TJP2: variants seen among roughly 807,000 people sequenced by gnomAD.
TJP2 encodes tight junction protein 2.
In TJP2, 91 loss-of-function variants were observed where a neutral mutation model predicts 133.1. The observed-to-expected ratio is 0.68, with a 90% CI of 0.58 to 0.81. The LOEUF (loss-of-function observed/expected upper bound fraction) is 0.81. Among genes scored for constraint, TJP2 ranks in the 40% least tolerant of loss-of-function variants. The pLI is 0.00. For synonymous variants in TJP2, 592 were observed against 583.4 expected (o/e 1.01, Z -0.21); for missense variants, 1,541 against 1,565.6 (o/e 0.98, Z 0.26).
Position 69,221,354 on chromosome 9 carries a change from G to GCGCGGGGCCCGC in TJP2, c.812_823dup (p.Arg271_Arg274dup), listed in dbSNP as rs1032179516. The GCGCGGGGCCCGC allele has an allele frequency of 6.3e-7, 1 of 1,584,100 alleles. No individual in the cohort carries two copies. The highest frequency in any genetic ancestry group is 1.3e-5 in the African/African-American group (1 of 74,330). Reference sequence around the variant, plus strand: ...AGCGGGCCTACAGCCCGGAGTACAGGCGCGGGGCCCGCCACGATGCCCGCT... The same window carrying GCGCGGGGCCCGC: ...AGCGGGCCTACAGCCCGGAGTACAGGCGCGGGGCCCGCCGCGGGGCCCGCCACGATGCCCGCT... On this transcript the variant is annotated inframe_insertion, in exon 5 of 23. Coordinates refer to ENST00000377245, the MANE Select transcript of TJP2 (RefSeq NM_004817.4).
At chr9:69,218,943 CAT>C (rs2133255310) in intron 4 of TJP2, among the ~76,000 whole-genome samples, 1 of 151,438 alleles carries the variant, frequency 6.6e-6, no homozygotes, top group African/African-American at 2.4e-5. Flanking sequence ...CATATACCCA[CAT>C]ATATGGTTGT....
chr9:69,194,834 C>G (rs1196394212), intron 1 of TJP2, among the ~76,000 whole-genome samples: 1 of 152,150 alleles, frequency 6.6e-6, no homozygotes, highest in African/African-American at 2.4e-5. Context: ...AACAGGCTCC[C>G]AGGGGTTGGC....
intron 2 of TJP2, among the ~76,000 whole-genome samples, chr9:69,168,034 G>T (rs899234899): frequency 1.1e-4 from 16 of 152,228 alleles, no homozygotes; most frequent in Admixed American, 6.5e-5. Flanking sequence ...GAGCAGCTTT[G>T]TTCTTTCTAC....
At chr9:69,134,839 G>A (rs1156614715) in intron 1 of TJP2, among the ~76,000 whole-genome samples, 2 of 152,124 alleles carry the variant, frequency 1.3e-5, no homozygotes, top group East Asian at 1.9e-4. Context: ...GGTCAGGTTC[G>A]TGGTGAGAAC....
In TJP2 at chr9:69,230,079, C is replaced by CATA. The variant is rs759548386; in HGVS notation, c.1521-2_1521-1insTAA. ...TTCCTTTCTGAAACGGAACCTATTGCAGCCCTAATACCAAAATGGTAAGGT... is the reference window on the plus strand; with the variant it reads ...TTCCTTTCTGAAACGGAACCTATTGCATAAGCCCTAATACCAAAATGGTAAGGT... On this transcript the variant is annotated splice_polypyrimidine_tract_variant and splice_region_variant and intron_variant, in intron 10 of 22. Transcript: ENST00000377245. 1.5e-5 allele frequency: 24 copies of CATA among 1,614,090 alleles called. No homozygotes were observed. The South Asian group carries it at 2.3e-4, about 16-fold the overall frequency.
At chr9:69,121,471 A>G in exon 1 of TJP2, 1 of 454,192 alleles carries the variant, frequency 2.2e-6, no homozygotes, top group Non-Finnish European at 2.9e-6. Flanking sequence ...CCTTCTCTCA[A>G]ACCTCTAAAC....
At chr9:69,194,576 T>A (rs1424637656) in intron 1 of TJP2, among the ~76,000 whole-genome samples, 1 of 152,192 alleles carries the variant, frequency 6.6e-6, no homozygotes, top group Admixed American at 6.5e-5. Context: ...TTTCACATGT[T>A]CAGTAGCCAC....
At chr9:69,146,529 A>T (rs1823217913) in intron 1 of TJP2, among the ~76,000 whole-genome samples, 1 of 152,222 alleles carries the variant, frequency 6.6e-6, no homozygotes, top group Non-Finnish European at 1.5e-5. Context: ...TAACAATTAG[A>T]TAGTTACTAG....
rs1391922368 is a variant in TJP2, at chr9:69,137,259, T to C, written c.-130-14392T>C. ...TTTCTTTCTCTCTCTCTTTCTTTCT[T>C]TCTTTCTTTCTTTTTCTTTCTTTCT... On this transcript the variant is annotated intron_variant, in intron 1 of 5. Transcript: ENST00000423935. 7.3e-4 allele frequency among the ~76,000 whole-genome samples: 42 copies of C among 57,244 alleles called. 1 individual carries two copies. The highest frequency in any genetic ancestry group is 2.3e-3 in the East Asian group (1 of 426). The allele number at this position is 57,244 out of a possible 152,430, so 37.6% of individuals were successfully genotyped here. A position where few individuals can be genotyped will look rare whatever the true frequency, so the allele number is the denominator to read the frequency against.
chr9:69,151,544 C>T (rs1823480498), intron 1 of TJP2: 2 of 1,178,096 alleles, frequency 1.7e-6, no homozygotes, highest in Non-Finnish European at 2.1e-6. Context: ...AAAAGCCATC[C>T]TAAAAACGGG....
chr9:69,208,949 G>A (rs760394933), intron 1 of TJP2, among the ~76,000 whole-genome samples: 1 of 152,066 alleles, frequency 6.6e-6, no homozygotes, highest in Admixed American at 6.6e-5. Context: ...GTACAAGAAG[G>A]CATTGAGAAG....
intron 1 of TJP2, among the ~76,000 whole-genome samples, chr9:69,210,250 C>G (rs888452377): frequency 6.7e-6 from 1 of 149,188 alleles, no homozygotes; most frequent in Admixed American, 6.8e-5. Flanking sequence ...GATCACACCC[C>G]TGCATTCCAG....
At position 69,142,014 on chromosome 9, in the gene TJP2, T is replaced by C. The variant is rs1011417994; in HGVS notation, c.-130-9637T>C. The stretch of plus-strand genomic sequence containing the variant: ...CAGGTCTTAAACAGTAGAGGTGGGA[T>C]TCAAACCAAGTCTTTCCCCTGTGTC... On this transcript the variant is annotated intron_variant, in intron 1 of 5. Coordinates refer to the TJP2 transcript ENST00000423935. Among the ~76,000 whole-genome samples, 3 of 152,214 alleles carry C rather than the reference T, an allele frequency of 2.0e-5. No homozygotes were observed. The East Asian group carries it at 5.8e-4, about 29-fold the overall frequency.
chr9:69,165,706 A>T (rs1344015030), intron 2 of TJP2, among the ~76,000 whole-genome samples: 5 of 152,188 alleles, frequency 3.3e-5, no homozygotes, highest in African/African-American at 1.2e-4. Flanking sequence ...CTGCAGTGTA[A>T]ACAGCAGTAA....
intron 14 of TJP2, among the ~76,000 whole-genome samples, chr9:69,237,594 G>GA (rs1182095918): frequency 4.9e-5 from 2 of 40,648 alleles, no homozygotes; most frequent in African/African-American, 1.8e-4. Context: ...AGCTACTCAG[G>GA]AGGCTTGAGC....
chr9:69,166,711 G>A (rs1824375443), intron 2 of TJP2, among the ~76,000 whole-genome samples: 1 of 148,832 alleles, frequency 6.7e-6, no homozygotes, highest in Admixed American at 6.7e-5. Flanking sequence ...CTGGCCTCAA[G>A]TGATCTGCCT....
In TJP2 at chr9:69,221,316, G is replaced by A. The variant is rs1245964106; in HGVS notation, c.772G>A (p.Asp258Asn). ...CGAGCGAGCCTATCACCGGGCCTACGACCCAGACTACGAGCGGGCCTACAG... is the reference window on the plus strand; with the variant it reads ...CGAGCGAGCCTATCACCGGGCCTACAACCCAGACTACGAGCGGGCCTACAG... Reference protein sequence around the residue: ...DYERAYHRAYDPDYERAYSPE... With the variant: ...DYERAYHRAYNPDYERAYSPE... Residue 258 changes from aspartate to asparagine, a missense_variant, in exon 5 of 23, where the codon GAC becomes AAC. Asp to Asn is a conservative substitution (Grantham distance 23). Transcript: ENST00000377245. 2 of 1,603,344 alleles carry A rather than the reference G, an allele frequency of 1.2e-6. No homozygotes were observed. Among genetic ancestry groups the A allele is most frequent in the Non-Finnish European group, 1.7e-6 (2 of 1,175,462 alleles).
At chr9:69,215,773 G>C (rs745551831) in intron 2 of TJP2, among the ~76,000 whole-genome samples, 1 of 151,794 alleles carries the variant, frequency 6.6e-6, no homozygotes, top group Non-Finnish European at 1.5e-5. Context: ...CACAATGGCT[G>C]TCTGTTGTAA....
chr9:69,165,195 C>A (rs1824284324), intron 2 of TJP2, among the ~76,000 whole-genome samples: 1 of 152,184 alleles, frequency 6.6e-6, no homozygotes, highest in African/African-American at 2.4e-5. Context: ...GTGGCACAAT[C>A]ACGGCTACTG....
Sources: allele counts gnomAD v4.1 joint callset (sites outside exome capture counted in the v4.1 genomes callset), GRCh38; gene constraint gnomAD v4.1.1; transcripts MANE v1.5; gene names NCBI Gene and HGNC (gene_info 2026-07-23, HGNC 2026-07-21).